Variants in DMXL1 observed in about 807,000 individuals in gnomAD.
DMXL1 encodes Dmx like 1.
In DMXL1, 99 loss-of-function variants were observed where a neutral mutation model predicts 319.2. The observed-to-expected ratio is 0.31, with a 90% CI of 0.26 to 0.37. DMXL1 has a LOEUF of 0.37. Among genes scored for constraint, DMXL1 ranks in the 10% least tolerant of loss-of-function variants. The pLI is 1.00. For synonymous variants in DMXL1, 1,385 were observed against 1,235.2 expected (o/e 1.12, Z -2.54); for missense variants, 3,745 against 3,595.6 (o/e 1.04, Z -1.06).
intron 28 of DMXL1, among the ~76,000 whole-genome samples, chr5:119,182,605 A>C (rs1183325496): frequency 6.6e-6 from 1 of 151,614 alleles, no homozygotes; most frequent in African/African-American, 2.4e-5. Flanking sequence ...TTCTTGTAGT[A>C]ACATAATATT....
intron 19 of DMXL1, among the ~76,000 whole-genome samples, chr5:119,155,841 A>AC (rs960893511): frequency 6.6e-6 from 1 of 151,814 alleles, no homozygotes; most frequent in African/African-American, 2.4e-5. Context: ...AAAAAAAAAA[A>AC]AAACAAAACT....
In DMXL1 at chr5:119,221,065, G is replaced by A. The variant is rs140340763; in HGVS notation, c.8261G>A (p.Gly2754Asp). The change falls in exon 37 of 44, where the codon GGC becomes GAC. Residue 2754 changes from glycine to aspartate, a missense_variant. By Grantham distance (94) the Gly-to-Asp change is moderately conservative (BLOSUM62 -1). Coordinates refer to ENST00000539542, the MANE Select transcript of DMXL1 (RefSeq NM_001290321.3). ...CCATGGCTTGGTAGTACACAGACTG[G>A]CAGAGGAGCATCTGTGGTATGTAAA... ...NMPWLGSTQT[G>D]RGASVMIKKA... 2.5e-3 allele frequency: 4,083 copies of A among 1,611,176 alleles called. 7 individuals are homozygous for A. Among genetic ancestry groups the A allele is most frequent in the Non-Finnish European group, 3.2e-3 (3,813 of 1,178,626 alleles).
intron 28 of DMXL1, among the ~76,000 whole-genome samples, chr5:119,184,183 G>A (rs1245621895): frequency 6.6e-6 from 1 of 151,954 alleles, no homozygotes; most frequent in Non-Finnish European, 1.5e-5. Context: ...AGTGCCCCAA[G>A]TAGCTGGGAC....
intron 8 of DMXL1, among the ~76,000 whole-genome samples, chr5:119,120,621 A>C (rs1761833209): frequency 6.6e-6 from 1 of 152,250 alleles, no homozygotes; most frequent in Admixed American, 6.5e-5. Flanking sequence ...AAGACAGTGT[A>C]TGTAGAGATA....
intron 25 of DMXL1, among the ~76,000 whole-genome samples, chr5:119,174,480 A>G (rs1279627751): frequency 6.6e-6 from 1 of 152,216 alleles, no homozygotes; most frequent in African/African-American, 2.4e-5. Context: ...CTTCAATTAT[A>G]TAATATCTTT....
At chr5:119,183,061 TGAG>T (rs902260624) in intron 28 of DMXL1, among the ~76,000 whole-genome samples, 4 of 152,188 alleles carry the variant, frequency 2.6e-5, no homozygotes, top group African/African-American at 9.6e-5. Flanking sequence ...GTCTCCAAGT[TGAG>T]GAATGGAAAT....
intron 34 of DMXL1, among the ~76,000 whole-genome samples, chr5:119,216,165 A>C (rs754538080): frequency 6.6e-6 from 1 of 150,516 alleles, no homozygotes; most frequent in Non-Finnish European, 1.5e-5. Flanking sequence ...GCAACATTTC[A>C]ACTCTTTAAT....
chr5:119,101,555 C>G (rs1027502409), intron 2 of DMXL1, among the ~76,000 whole-genome samples: 5 of 152,184 alleles, frequency 3.3e-5, no homozygotes, highest in Non-Finnish European at 5.9e-5. Flanking sequence ...TTAATGTACA[C>G]TGACAGAATT....
chr5:119,105,988 C>T (rs1227704447), intron 4 of DMXL1, among the ~76,000 whole-genome samples: 1 of 151,842 alleles, frequency 6.6e-6, no homozygotes, highest in Non-Finnish European at 1.5e-5. Context: ...TGATGGATGG[C>T]TTAAAACATC....
rs773157804 is a variant in DMXL1 at position 119,130,437 on chromosome 5, G to A, written c.1315+1014G>A. 9.2e-5 allele frequency among the ~76,000 whole-genome samples: 14 copies of A among 152,044 alleles called. 1 individual carries two copies. Among genetic ancestry groups the A allele is most frequent in the Non-Finnish European group, 1.8e-4 (12 of 67,996 alleles). On this transcript the variant is annotated intron_variant, in intron 10 of 43. Coordinates refer to ENST00000539542, the MANE Select transcript of DMXL1 (RefSeq NM_001290321.3). ...GGCTCACTGCAGCCTCCACCTCCCG[G>A]GTTCAAGCAATTCTCCTGCCTCAGC...
intron 9 of DMXL1, among the ~76,000 whole-genome samples, chr5:119,123,587 T>C (rs930460700): frequency 1.3e-5 from 2 of 152,166 alleles, no homozygotes; most frequent in African/African-American, 4.8e-5. Flanking sequence ...AGTTCATTAT[T>C]AGTTTATTCA....
intron 43 of DMXL1, among the ~76,000 whole-genome samples, chr5:119,246,397 T>G (rs1263310086): frequency 6.6e-6 from 1 of 152,178 alleles, no homozygotes; most frequent in African/African-American, 2.4e-5. Flanking sequence ...ATTGTAAGTT[T>G]CTGTAGCATT....
At chr5:119,220,809 G>A (rs1784521060) in intron 36 of DMXL1, 131 bp from the exon 37 acceptor site, 1 of 1,200,206 alleles carries the variant, frequency 8.3e-7, no homozygotes, top group African/African-American at 1.5e-5. Flanking sequence ...AGGTCATTGT[G>A]TGTGAGTTAC....
intron 10 of DMXL1, among the ~76,000 whole-genome samples, chr5:119,131,902 AATTGT>A (rs1580908254): frequency 1.3e-5 from 2 of 152,316 alleles, no homozygotes; most frequent in South Asian, 4.2e-4. Context: ...TGTTTGTACT[AATTGT>A]ATTAGTTTTG....
chr5:119,222,121 G>A (rs943926428), intron 37 of DMXL1, among the ~76,000 whole-genome samples: 7 of 152,164 alleles, frequency 4.6e-5, no homozygotes, highest in African/African-American at 1.4e-4. Context: ...ATAATACCTT[G>A]TAATATTTTG....
chr5:119,184,396 CA>C (rs1777322276), intron 28 of DMXL1, among the ~76,000 whole-genome samples: 1 of 152,128 alleles, frequency 6.6e-6, no homozygotes. Flanking sequence ...TTACTGAGAC[CA>C]ATCATGTGAT....
chr5:119,187,926 G>A (rs781288184), intron 28 of DMXL1, among the ~76,000 whole-genome samples: 3 of 152,196 alleles, frequency 2.0e-5, no homozygotes, highest in Non-Finnish European at 4.4e-5. Context: ...AAAGTGCTGG[G>A]ATTATAGGCG....
chr5:119,149,747 A>G lies in DMXL1; in HGVS notation c.3920A>G (p.Glu1307Gly), dbSNP rs765363934. ...GCATTCGATCCTTCAGTGGATATGGAAGATTCAGGTCTTTTTGAAGCAGCT... is the reference window on the plus strand; with the variant it reads ...GCATTCGATCCTTCAGTGGATATGGGAGATTCAGGTCTTTTTGAAGCAGCT... ...KTAFDPSVDM[E>G]DSGLFEAAHV... The change falls in exon 18 of 44, where the codon GAA becomes GGA. Residue 1307 changes from glutamate (E) to glycine (G), a missense_variant. Transcript: ENST00000539542. 3.1e-6 allele frequency: 5 copies of G among 1,613,876 alleles called. No homozygotes were observed. Among genetic ancestry groups the G allele is most frequent in the Non-Finnish European group, 4.2e-6 (5 of 1,179,950 alleles).
chr5:119,096,520 G>A (rs1756009818), intron 1 of DMXL1, among the ~76,000 whole-genome samples: 1 of 152,188 alleles, frequency 6.6e-6, no homozygotes, highest in South Asian at 2.1e-4. Context: ...AAAATGAGGA[G>A]CAAGTAGAGA....
Sources: gnomAD v4.1 joint callset for allele counts (sites outside exome capture counted in the v4.1 genomes callset) on GRCh38, gnomAD v4.1.1 for gene constraint, MANE v1.5 for transcripts, NCBI Gene and HGNC (gene_info 2026-07-23, HGNC 2026-07-21) for gene names.